The following ATG4C variants were observed in gnomAD, a reference collection of about 807,000 sequenced individuals.
ATG4C encodes autophagy related 4C cysteine peptidase, also known as cysteine protease ATG4C.
A neutral mutation model predicts 57.6 loss-of-function variants in ATG4C; 56 were observed. The observed-to-expected ratio is 0.97, with a 90% CI of 0.78 to 1.21. ATG4C has a LOEUF of 1.21. Among genes scored for constraint, ATG4C ranks in the 50% most tolerant of loss-of-function variants. The pLI is 0.00. For synonymous variants in ATG4C, 157 were observed against 174.1 expected, an observed-to-expected ratio of 0.90 and a Z score of 0.78; for missense variants, 595 against 529.8, an observed-to-expected ratio of 1.12 and a Z score of -1.21.
At chr1:62,826,561 T>A (rs964266739) in intron 6 of ATG4C, among the ~76,000 whole-genome samples, 8 of 151,878 alleles carry the variant, frequency 5.3e-5, no homozygotes. Flanking sequence ...TTACAGTTAC[T>A]ACCTTTGTTC....
At chr1:62,860,430 C>T (rs1666817353) in intron 10 of ATG4C, among the ~76,000 whole-genome samples, 1 of 152,146 alleles carries the variant, frequency 6.6e-6, no homozygotes, top group African/African-American at 2.4e-5. Context: ...TTTACACCAG[C>T]ATCACTACAA....
At chr1:62,844,820 T>C (rs750087881) in intron 10 of ATG4C, among the ~76,000 whole-genome samples, 3 of 152,086 alleles carry the variant, frequency 2.0e-5, no homozygotes, top group Non-Finnish European at 4.4e-5. Flanking sequence ...TTGTTAATGA[T>C]ATTTTTATAT....
intron 7 of ATG4C, 32 bp from the exon 8 acceptor site, chr1:62,834,006 T>A: frequency 6.3e-7 from 1 of 1,586,404 alleles, no homozygotes. Flanking sequence ...CACTTGCCTC[T>A]TGACTAAATC....
chr1:62,793,228 T>C (rs1664343900), intron 1 of ATG4C, among the ~76,000 whole-genome samples: 1 of 152,012 alleles, frequency 6.6e-6, no homozygotes, highest in East Asian at 1.9e-4. Context: ...TTTCTTTCAC[T>C]ACTCCTCTCC....
intron 10 of ATG4C, among the ~76,000 whole-genome samples, chr1:62,859,154 A>G (rs905569882): frequency 1.3e-5 from 2 of 152,220 alleles, no homozygotes; most frequent in Non-Finnish European, 2.9e-5. Context: ...GAGTGCTGAT[A>G]TGATACTAAA....
intron 9 of ATG4C, among the ~76,000 whole-genome samples, chr1:62,837,027 ATTTC>A (rs937259413): frequency 1.3e-5 from 2 of 152,026 alleles, no homozygotes; most frequent in African/African-American, 4.8e-5. Context: ...AGAGTAACTC[ATTTC>A]TTTCTTTTTT....
chr1:62,839,920 G>T (rs1216413817), intron 9 of ATG4C, among the ~76,000 whole-genome samples: 3 of 152,080 alleles, frequency 2.0e-5, no homozygotes, highest in African/African-American at 7.2e-5. Flanking sequence ...AAAAAAAGCA[G>T]CTTGAATGTA....
chr1:62,847,908 C>T (rs1004852686), intron 10 of ATG4C, among the ~76,000 whole-genome samples: 1 of 152,176 alleles, frequency 6.6e-6, no homozygotes, highest in African/African-American at 2.4e-5. Context: ...AACAACCACT[C>T]TTCCGTTCTC....
intron 10 of ATG4C, among the ~76,000 whole-genome samples, chr1:62,860,723 G>A (rs1235994230): frequency 5.3e-5 from 8 of 152,242 alleles, no homozygotes; most frequent in African/African-American, 1.9e-4. Context: ...TGATTTTGCA[G>A]TATGGGCTGA....
intron 1 of ATG4C, among the ~76,000 whole-genome samples, chr1:62,799,517 A>G (rs1355421717): frequency 6.6e-6 from 1 of 152,216 alleles, no homozygotes; most frequent in African/African-American, 2.4e-5. Context: ...AGTTTTGACC[A>G]AAAATAATGA....
At position 62,829,081 on chromosome 1, in the gene ATG4C, A is replaced by G. The variant is rs777644665; in HGVS notation, c.838A>G (p.Thr280Ala). 3.7e-6 allele frequency: 6 copies of G among 1,612,880 alleles called. No homozygotes were observed. The East Asian group carries it at 1.1e-4, about 30-fold the overall frequency. The change falls in exon 7 of 11, where the codon ACT (threonine) becomes GCT (alanine). Residue 280 changes from threonine (T) to alanine (A), a missense_variant. By Grantham distance (58) the Thr-to-Ala change is moderately conservative. Coordinates refer to ENST00000317868, the MANE Select transcript of ATG4C (RefSeq NM_032852.4). ...DVIDKQSASMTSDNADDKAVI... is the reference protein window; with the variant it reads ...DVIDKQSASMASDNADDKAVI... ...AATTGATAAACAGAGTGCTTCCATG[A>G]CTTCTGATAATGCAGATGACAAAGC... is the stretch of plus-strand genomic sequence containing the variant.
intron 10 of ATG4C, among the ~76,000 whole-genome samples, chr1:62,850,854 G>GTGTATGTGTATA (rs1402010901): frequency 1.2e-5 from 1 of 84,120 alleles, no homozygotes; most frequent in South Asian, 5.9e-4. Context: ...GTGTATGTAT[G>GTGTATGTGTATA]TATATATATA....
chr1:62,819,739 A>G (rs1665422584), intron 5 of ATG4C, among the ~76,000 whole-genome samples: 1 of 151,854 alleles, frequency 6.6e-6, no homozygotes, highest in South Asian at 2.1e-4. Flanking sequence ...TAAAATTGAT[A>G]TTTTCGGCAT....
chr1:62,837,466 C>T (rs202038003), intron 9 of ATG4C, among the ~76,000 whole-genome samples: 1 of 152,128 alleles, frequency 6.6e-6, no homozygotes. Flanking sequence ...AAACAAAAGT[C>T]ATCAAAGAAC....
At chr1:62,851,088 A>C (rs2100357571) in intron 10 of ATG4C, among the ~76,000 whole-genome samples, 1 of 151,756 alleles carries the variant, frequency 6.6e-6, no homozygotes, top group Non-Finnish European at 1.5e-5. Flanking sequence ...AATTAAAAAG[A>C]CTTTGTTATA....
At chr1:62,811,916 T>C (rs545214062) in intron 3 of ATG4C, among the ~76,000 whole-genome samples, 1 of 152,166 alleles carries the variant, frequency 6.6e-6, no homozygotes, top group Non-Finnish European at 1.5e-5. Context: ...AGAAAAAAAT[T>C]GATTTTATTA....
At chr1:62,789,648 C>T (rs1311117937) in intron 1 of ATG4C, among the ~76,000 whole-genome samples, 1 of 150,862 alleles carries the variant, frequency 6.6e-6, no homozygotes, top group Non-Finnish European at 1.5e-5. Context: ...CCCATCTCTA[C>T]TAAAAAATAA....
intron 1 of ATG4C, among the ~76,000 whole-genome samples, chr1:62,786,247 A>G (rs937463673): frequency 2.6e-5 from 4 of 152,218 alleles, no homozygotes; most frequent in Non-Finnish European, 4.4e-5. Flanking sequence ...ATGCTTACTG[A>G]GCAGCTATTC....
chr1:62,814,803 G>A (rs986621547), intron 3 of ATG4C, among the ~76,000 whole-genome samples: 4 of 152,046 alleles, frequency 2.6e-5, no homozygotes, highest in Non-Finnish European at 2.9e-5. Context: ...TGGCTCTCAC[G>A]CCTATAATCC....
Sources: allele counts gnomAD v4.1 joint callset (sites outside exome capture counted in the v4.1 genomes callset), GRCh38; gene constraint gnomAD v4.1.1; transcripts MANE v1.5; gene names NCBI Gene and HGNC (gene_info 2026-07-23, HGNC 2026-07-21).